Variants in MARCHF1 observed in about 807,000 individuals in gnomAD.
MARCHF1 encodes membrane associated ring-CH-type finger 1, also known as E3 ubiquitin-protein ligase MARCHF1.
MARCHF1 carries 40 observed loss-of-function variants against 54.2 expected under a neutral mutation model. The ratio of observed to expected loss-of-function variants is 0.74; its 90% CI spans 0.57 to 0.96. The LOEUF is 0.96. Ranked by LOEUF, MARCHF1 falls within the 40% of genes least tolerant of loss-of-function variation. The probability of loss-of-function intolerance (pLI) is 0.00; values close to 1 mark genes in which losing one functional copy is unlikely to be tolerated. For synonymous variants in MARCHF1, 236 were observed against 236.3 expected (o/e 1.00, Z 0.01); for missense variants, 586 against 656.5 (o/e 0.89, Z 1.17).
At chr4:164,113,084 C>A (rs939039336) in intron 1 of MARCHF1, among the ~76,000 whole-genome samples, 1 of 151,716 alleles carries the variant, frequency 6.6e-6, no homozygotes, top group Admixed American at 6.6e-5. Flanking sequence ...TGGCTACCTG[C>A]AGTTTTGCTT....
At chr4:164,178,783 T>C (rs752216312) in intron 1 of MARCHF1, among the ~76,000 whole-genome samples, 1 of 152,142 alleles carries the variant, frequency 6.6e-6, no homozygotes, top group Non-Finnish European at 1.5e-5. Flanking sequence ...TTAACTATAG[T>C]AATTAAATTA....
intron 2 of MARCHF1, among the ~76,000 whole-genome samples, chr4:164,025,977 T>A (rs1033293673): frequency 2.0e-5 from 3 of 152,006 alleles, no homozygotes; most frequent in African/African-American, 7.2e-5. Context: ...ACAGAGGATA[T>A]GGATAAATTC....
At chr4:163,979,611 T>A (rs1168923412) in intron 3 of MARCHF1, among the ~76,000 whole-genome samples, 1 of 151,680 alleles carries the variant, frequency 6.6e-6, no homozygotes, top group African/African-American at 2.4e-5. Context: ...ACTTCCACAA[T>A]GGTTGAACTA....
intron 1 of MARCHF1, among the ~76,000 whole-genome samples, chr4:164,251,672 A>G (rs963826733): frequency 1.3e-5 from 2 of 152,164 alleles, no homozygotes; most frequent in African/African-American, 4.8e-5. Flanking sequence ...ATTCACAGTG[A>G]TTTTGAAAAT....
At chr4:164,277,977 A>G (rs748881636) in intron 1 of MARCHF1, among the ~76,000 whole-genome samples, 2 of 152,234 alleles carry the variant, frequency 1.3e-5, no homozygotes, top group Non-Finnish European at 1.5e-5. Flanking sequence ...GAGCACAGCT[A>G]TGAAAAGGAA....
intron 1 of MARCHF1, among the ~76,000 whole-genome samples, chr4:164,363,355 C>T (rs1730782129): frequency 6.6e-6 from 1 of 152,012 alleles, no homozygotes; most frequent in South Asian, 2.1e-4. Flanking sequence ...ACTCTTTCTC[C>T]TAAGAAGAAA....
chr4:163,750,962 A>G lies in MARCHF1; in HGVS notation c.112-50099T>C, dbSNP rs571585078. 3.9e-5 allele frequency among the ~76,000 whole-genome samples: 6 copies of G among 152,358 alleles called. No individual in the cohort carries two copies. In the East Asian group the frequency reaches 9.6e-4, roughly 24 times the overall value. ...TAAAGGAAAAAAATTATTGAACTTT[A>G]GCATCAATTCATGATAAAAATTATT... On this transcript the variant is annotated intron_variant, in intron 4 of 9. Transcript: ENST00000514618.
intron 3 of MARCHF1, among the ~76,000 whole-genome samples, chr4:163,957,775 A>G (rs1166231222): frequency 6.6e-6 from 1 of 151,938 alleles, no homozygotes; most frequent in Non-Finnish European, 1.5e-5. Flanking sequence ...GACCCACTCT[A>G]CTTACATTGT....
chr4:163,675,047 G>C (rs1013819496), intron 5 of MARCHF1, among the ~76,000 whole-genome samples: 3 of 152,158 alleles, frequency 2.0e-5, no homozygotes, highest in Non-Finnish European at 4.4e-5. Context: ...AGTCAGAAGA[G>C]TTGATGGATG....
At chr4:163,584,134 G>A (rs182632235) in intron 8 of MARCHF1, 7 of 150,038 alleles carry the variant, frequency 4.7e-5, no homozygotes, top group East Asian at 3.9e-4. Context: ...AAAAGCTGGC[G>A]GTGGAATAAA....
chr4:163,669,431 TAAC>T (rs890694474), intron 5 of MARCHF1, among the ~76,000 whole-genome samples: 2 of 152,116 alleles, frequency 1.3e-5, no homozygotes, highest in Non-Finnish European at 2.9e-5. Flanking sequence ...TACTTCCTGC[TAAC>T]ACTTAATCCT....
intron 1 of MARCHF1, among the ~76,000 whole-genome samples, chr4:164,349,961 T>C (rs139381036): frequency 1.3e-5 from 2 of 152,310 alleles, no homozygotes; most frequent in South Asian, 2.1e-4. Context: ...TCACTTATGA[T>C]TGTATGATTT....
intron 4 of MARCHF1, among the ~76,000 whole-genome samples, chr4:163,778,968 C>G (rs184808882): frequency 6.6e-6 from 1 of 152,216 alleles, no homozygotes; most frequent in African/African-American, 2.4e-5. Context: ...GCTTGTACCC[C>G]ATACACTTAT....
chr4:163,835,511 C>T (rs529221757), intron 4 of MARCHF1, among the ~76,000 whole-genome samples: 20 of 152,292 alleles, frequency 1.3e-4, no homozygotes, highest in African/African-American at 4.6e-4. Context: ...GCCAATATTT[C>T]GAATTGTGTT....
chr4:164,354,109 G>A (rs866085847), intron 1 of MARCHF1, among the ~76,000 whole-genome samples: 1 of 74,672 alleles, frequency 1.3e-5, no homozygotes, highest in African/African-American at 4.3e-5. Context: ...GCTGAAATTG[G>A]GGCAATAATC....
At chr4:164,083,890 G>A (rs1755147332) in intron 2 of MARCHF1, among the ~76,000 whole-genome samples, 1 of 152,020 alleles carries the variant, frequency 6.6e-6, no homozygotes, top group Non-Finnish European at 1.5e-5. Flanking sequence ...TGTAGTGCAT[G>A]TACTTCTTAT....
intron 2 of MARCHF1, among the ~76,000 whole-genome samples, chr4:164,016,244 C>A (rs1478978827): frequency 6.6e-6 from 1 of 152,068 alleles, no homozygotes; most frequent in African/African-American, 2.4e-5. Context: ...GGGAAGCAGG[C>A]ACATCTTACA....
chr4:164,286,833 C>G (rs1734162512), intron 1 of MARCHF1, among the ~76,000 whole-genome samples: 1 of 149,870 alleles, frequency 6.7e-6, no homozygotes, highest in Non-Finnish European at 1.5e-5. Context: ...TAAACTAAGG[C>G]TACTGTGGGA....
At chr4:163,628,021 G>A (rs925646018) in intron 5 of MARCHF1, among the ~76,000 whole-genome samples, 3 of 151,894 alleles carry the variant, frequency 2.0e-5, no homozygotes, top group Non-Finnish European at 4.4e-5. Flanking sequence ...TCTTGGAGTA[G>A]AAAAGATTTT....
Sources: gnomAD v4.1 joint callset for allele counts (sites outside exome capture counted in the v4.1 genomes callset) on GRCh38, gnomAD v4.1.1 for gene constraint, MANE v1.5 for transcripts, NCBI Gene and HGNC (gene_info 2026-07-23, HGNC 2026-07-21) for gene names.